Variants in KIAA1549L observed in about 807,000 individuals in gnomAD.
The protein encoded by KIAA1549L is UPF0606 protein KIAA1549L.
A neutral mutation model predicts 160.7 loss-of-function variants in KIAA1549L; 88 were observed. The ratio of observed to expected loss-of-function variants is 0.55; its 90% CI spans 0.46 to 0.65. KIAA1549L has a LOEUF of 0.65. Ranked by LOEUF, KIAA1549L falls within the 30% of genes least tolerant of loss-of-function variation. The pLI, the probability that KIAA1549L is intolerant of heterozygous loss-of-function variation, is 0.00. For synonymous variants in KIAA1549L, 950 were observed against 976.7 expected (o/e 0.97, Z 0.51); for missense variants, 2,258 against 2,437.5 (o/e 0.93, Z 1.55).
At chr11:33,430,007 C>T (rs1851197504) in intron 1 of KIAA1549L, among the ~76,000 whole-genome samples, 1 of 144,128 alleles carries the variant, frequency 6.9e-6, no homozygotes, top group East Asian at 2.1e-4. Flanking sequence ...CTGCTCTGCC[C>T]TCCCTTCCTT....
At chr11:33,397,691 G>A (rs890506349) in intron 1 of KIAA1549L, among the ~76,000 whole-genome samples, 5 of 147,712 alleles carry the variant, frequency 3.4e-5, no homozygotes, top group African/African-American at 5.0e-5. Context: ...CAGCCTGGGC[G>A]ACAGAGCGAG....
At chr11:33,459,204 C>T (rs1185821998) in intron 1 of KIAA1549L, among the ~76,000 whole-genome samples, 1 of 152,122 alleles carries the variant, frequency 6.6e-6, no homozygotes. Flanking sequence ...CCCATTTAGC[C>T]CAGACACTGC....
intron 11 of KIAA1549L, among the ~76,000 whole-genome samples, chr11:33,589,760 G>T (rs1028941454): frequency 1.3e-5 from 2 of 151,682 alleles, no homozygotes; most frequent in Non-Finnish European, 1.5e-5. Context: ...AGGGCCTGTT[G>T]TGGGGTGGGG....
rs1852673699 is a variant in KIAA1549L, at chr11:33,671,548, T to C, written c.*3394T>C. The C allele has an allele frequency of 6.6e-6, 1 of 150,556 alleles. No individual in the cohort carries two copies. Among genetic ancestry groups the C allele is most frequent in the African/African-American group, 2.4e-5 (1 of 40,886 alleles). 9.3% of individuals were successfully genotyped at this position (150,556 alleles called of 1,614,324 possible). A position where few individuals can be genotyped will look rare whatever the true frequency, so the allele number is the denominator to read the frequency against. On this transcript the variant is annotated 3_prime_UTR_variant, in exon 21 of 21. Transcript: ENST00000658780. ...AAGGACATGTAATGTCTGAGTAATC[T>C]TGATGGAAGAAAGGAAATAGATCTG... is the stretch of plus-strand genomic sequence containing the variant.
intron 14 of KIAA1549L, among the ~76,000 whole-genome samples, chr11:33,608,031 T>C (rs2133325480): frequency 6.6e-6 from 1 of 152,350 alleles, no homozygotes; most frequent in Non-Finnish European, 1.5e-5. Flanking sequence ...GTCCCCTGAC[T>C]TCCTGTCCAG....
At position 33,669,708 on chromosome 11, in the gene KIAA1549L, G is replaced by A. The variant is rs368895125; in HGVS notation, c.*1554G>A. ...GACTAGAAATGGAACTGATTAGAAG[G>A]GGAGGTTCAAACTGTCAATGCACAG... On this transcript the variant is annotated 3_prime_UTR_variant, in exon 21 of 21. Transcript: ENST00000658780. 6.6e-6 allele frequency: 1 copy of A among 152,210 alleles called. No homozygotes were observed. The highest frequency in any genetic ancestry group is 1.5e-5 in the Non-Finnish European group (1 of 68,032). 9.4% of individuals were successfully genotyped at this position (152,210 alleles called of 1,614,324 possible).
chr11:33,541,958 C>G lies in KIAA1549L; in HGVS notation c.395C>G (p.Thr132Arg), dbSNP rs372897725. The change falls in exon 2 of 21, where the codon ACA becomes AGA. Residue 132 changes from threonine (T) to arginine (R), a missense_variant. This residue lies in a region of KIAA1549L where 540 missense variants were observed against 465.7 expected (regional missense o/e 1.16). Coordinates refer to ENST00000658780, the MANE Select transcript of KIAA1549L (RefSeq NM_012194.3). ...GTGCTGGGACAGTCCTCTGACAACACAAGCTTGCCACAGTCAGCCCGAACC... is the reference window on the plus strand; with the variant it reads ...GTGCTGGGACAGTCCTCTGACAACAGAAGCTTGCCACAGTCAGCCCGAACC... ...KTVLGQSSDN[T>R]SLPQSARTPA... 1 of 387,946 alleles carries G rather than the reference C, an allele frequency of 2.6e-6. No homozygotes were observed. Among genetic ancestry groups the G allele is most frequent in the African/African-American group, 2.1e-5 (1 of 48,768 alleles). 24.0% of individuals were successfully genotyped at this position (387,946 alleles called of 1,614,324 possible).
intron 1 of KIAA1549L, among the ~76,000 whole-genome samples, chr11:33,398,035 C>T (rs1421571633): frequency 1.3e-5 from 2 of 150,712 alleles, no homozygotes; most frequent in Non-Finnish European, 3.0e-5. Flanking sequence ...AATTCTCCTG[C>T]CTCAGCCTCC....
chr11:33,511,923 A>T (rs911540985), intron 1 of KIAA1549L, among the ~76,000 whole-genome samples: 4 of 152,240 alleles, frequency 2.6e-5, no homozygotes, highest in Admixed American at 6.5e-5. Flanking sequence ...TCTGCCTAGC[A>T]CATTATGAGT....
intron 1 of KIAA1549L, among the ~76,000 whole-genome samples, chr11:33,439,627 G>A (rs1020575619): frequency 1.2e-4 from 17 of 146,520 alleles, no homozygotes; most frequent in Non-Finnish European, 2.4e-4. Flanking sequence ...TAGCCAGGAT[G>A]GTCTCGATCT....
intron 1 of KIAA1549L, among the ~76,000 whole-genome samples, chr11:33,443,364 T>C (rs1417290832): frequency 7.2e-5 from 11 of 152,102 alleles, no homozygotes; most frequent in Non-Finnish European, 1.6e-4. Context: ...AAACTTTATC[T>C]GTGGGGATTG....
intron 4 of KIAA1549L, among the ~76,000 whole-genome samples, chr11:33,549,325 A>G (rs914488784): frequency 6.6e-6 from 1 of 152,254 alleles, no homozygotes; most frequent in Non-Finnish European, 1.5e-5. Context: ...TGTTGCTTGC[A>G]GAAGGCTCTA....
At chr11:33,474,554 C>G (rs934668179) in intron 1 of KIAA1549L, among the ~76,000 whole-genome samples, 2 of 152,220 alleles carry the variant, frequency 1.3e-5, no homozygotes, top group African/African-American at 2.4e-5. Flanking sequence ...AGAGCACCCA[C>G]TTTAGACTCA....
chr11:33,597,748 T>C (rs1850239414), intron 12 of KIAA1549L, among the ~76,000 whole-genome samples: 2 of 152,152 alleles, frequency 1.3e-5, no homozygotes, highest in Admixed American at 6.5e-5. Flanking sequence ...GCTCTGTGAC[T>C]TGCCCTGTGT....
At chr11:33,613,809 GT>G (rs1850709580) in intron 15 of KIAA1549L, among the ~76,000 whole-genome samples, 1 of 152,138 alleles carries the variant, frequency 6.6e-6, no homozygotes, top group South Asian at 2.1e-4. Flanking sequence ...GGTTCCAAAT[GT>G]TGACTCATCA....
chr11:33,641,622 A>AT (rs1851587937), intron 16 of KIAA1549L, among the ~76,000 whole-genome samples: 1 of 66,668 alleles, frequency 1.5e-5, no homozygotes, highest in Non-Finnish European at 2.9e-5. Context: ...ATATATATAT[A>AT]TATATATATA....
At chr11:33,538,747 A>C (rs923801821) in intron 1 of KIAA1549L, among the ~76,000 whole-genome samples, 3 of 152,232 alleles carry the variant, frequency 2.0e-5, no homozygotes, top group African/African-American at 7.2e-5. Context: ...AAATATAGAT[A>C]CTTCCATATA....
intron 1 of KIAA1549L, among the ~76,000 whole-genome samples, chr11:33,454,104 T>A (rs1041936357): frequency 1.3e-5 from 2 of 152,146 alleles, no homozygotes; most frequent in Non-Finnish European, 2.9e-5. Flanking sequence ...ACCTGACCCA[T>A]CTGTAAACAG....
At chr11:33,507,139 C>T (rs1853110542) in intron 1 of KIAA1549L, among the ~76,000 whole-genome samples, 1 of 152,160 alleles carries the variant, frequency 6.6e-6, no homozygotes, top group African/African-American at 2.4e-5. Flanking sequence ...TCGTGACTCC[C>T]TAAAATACCA....
Sources: allele counts gnomAD v4.1 joint callset (sites outside exome capture counted in the v4.1 genomes callset), GRCh38; gene constraint gnomAD v4.1.1; regional missense constraint gnomAD v4.1.1; transcripts MANE v1.5; gene names NCBI Gene and HGNC (gene_info 2026-07-23, HGNC 2026-07-21).